Variants in MDN1 observed in about 807,000 individuals in gnomAD.
MDN1 encodes the protein midasin.
Under a neutral mutation model 669.2 loss-of-function variants are expected in MDN1, and 266 were observed. The ratio of observed to expected loss-of-function variants is 0.40; its 90% CI spans 0.36 to 0.44. MDN1 has a LOEUF of 0.44. Among genes scored for constraint, MDN1 ranks in the 20% least tolerant of loss-of-function variants. The pLI is 1.00. For missense variants in MDN1, 5,940 were observed against 6,754.0 expected (o/e 0.88, Z 4.22); for synonymous variants, 2,385 against 2,457.1 (o/e 0.97, Z 0.87).
chr6:89,658,365 T>C lies in MDN1; in HGVS notation c.15027A>G (p.Glu5009=). The change falls in exon 90 of 102, where the codon GAA becomes GAG. Residue 5009 remains glutamate (E), a synonymous_variant. Coordinates refer to ENST00000369393, the MANE Select transcript of MDN1 (RefSeq NM_014611.3). The part of the protein sequence containing the change: ...PADQGFQPQE[E]EEREDSDTEE... ...CTGTATCAGAGTCCTCCCGTTCTTC[T>C]TCCTCCTTCGGCAGAGAAATCAAAC... is the stretch of plus-strand genomic sequence containing the variant. 2 of 1,614,122 alleles carry C rather than the reference T, an allele frequency of 1.2e-6. No homozygotes were observed. Among genetic ancestry groups the C allele is most frequent in the Non-Finnish European group, 1.7e-6 (2 of 1,180,030 alleles).
At chr6:89,720,744 AACT>A (rs778763944) in intron 40 of MDN1, among the ~76,000 whole-genome samples, 64 of 152,332 alleles carry the variant, frequency 4.2e-4, no homozygotes, top group Admixed American at 1.5e-3. Context: ...AGCTGTTAAA[AACT>A]ACTAAGACTT....
At chr6:89,814,833 G>C in intron 1 of MDN1, 1 of 481,522 alleles carries the variant, frequency 2.1e-6, no homozygotes, top group Non-Finnish European at 4.2e-6. Context: ...TTCCAAAGAA[G>C]GCTGCCCCTA....
intron 25 of MDN1, 52 bp from the exon 26 acceptor site, chr6:89,749,421 A>G: frequency 6.2e-7 from 1 of 1,602,252 alleles, no homozygotes; most frequent in African/African-American, 1.3e-5. Context: ...AATTTCCAAT[A>G]TGGAGGCTCT....
intron 15 of MDN1, among the ~76,000 whole-genome samples, chr6:89,769,330 A>G (rs1395011439): frequency 6.6e-6 from 1 of 152,226 alleles, no homozygotes; most frequent in Admixed American, 6.5e-5. Flanking sequence ...ATATATGTTA[A>G]AAGATTTTAT....
intron 1 of MDN1, among the ~76,000 whole-genome samples, chr6:89,814,376 TC>T (rs1768664172): frequency 7.1e-6 from 1 of 140,506 alleles, no homozygotes; most frequent in Non-Finnish European, 1.5e-5. Context: ...TGTTCTTTAA[TC>T]CCCCTCCTTT....
rs544214263 is a variant in MDN1 at position 89,742,483 on chromosome 6, C to A, written c.4448+667G>T. The stretch of plus-strand genomic sequence containing the variant: ...TGAGTAATAAACTCCTGTCCTTCCA[C>A]TTGGCTAGCTCTGCAACTACTAAAT... On this transcript the variant is annotated intron_variant, in intron 31 of 101. Transcript: ENST00000369393. 3.9e-5 allele frequency among the ~76,000 whole-genome samples: 6 copies of A among 152,316 alleles called. No homozygotes were observed. The South Asian group carries it at 1.2e-3, about 32-fold the overall frequency.
chr6:89,674,627 G>T, intron 78 of MDN1, 38 bp from the exon 79 acceptor site: 2 of 1,502,356 alleles, frequency 1.3e-6, no homozygotes, highest in East Asian at 4.6e-5. Flanking sequence ...ACAATGAATG[G>T]CACCTTAAAC....
chr6:89,787,894 G>A lies in MDN1; in HGVS notation c.1294C>T (p.Leu432=). 6.2e-7 allele frequency: 1 copy of A among 1,613,734 alleles called. No individual in the cohort carries two copies. The highest frequency in any genetic ancestry group is 2.2e-5 in the East Asian group (1 of 44,878). The change falls in exon 8 of 102, where the codon CTG becomes TTG. Residue 432 remains leucine (L), a synonymous_variant. Transcript: ENST00000369393. ...AACTGAAATCCAGGTGCCACTTTCA[G>A]ACAGTCACCTCGGCCAGGAATCAAG... The part of the protein sequence containing the change: ...ELLIPGRGDC[L]KVAPGFQFFA...
At chr6:89,763,423 T>C (rs1461888324) in intron 15 of MDN1, among the ~76,000 whole-genome samples, 4 of 152,122 alleles carry the variant, frequency 2.6e-5, no homozygotes, top group African/African-American at 9.7e-5. Flanking sequence ...ATTTAGATTC[T>C]TTGTTATTCC....
At position 89,743,727 on chromosome 6, in the gene MDN1, T is replaced by C. The variant is rs1314395757; in HGVS notation, c.4179-13A>G. The C allele has an allele frequency of 6.2e-7, 1 of 1,611,586 alleles. No individual in the cohort carries two copies. Among genetic ancestry groups the C allele is most frequent in the East Asian group, 2.2e-5 (1 of 44,804 alleles). On this transcript the variant is annotated splice_polypyrimidine_tract_variant and intron_variant, in intron 29 of 101. Transcript: ENST00000369393. ...AGTTTTCCCACACCTGTTAGAGATG[T>C]GCAACTGATTAACAAGGCATGTGTT... is the stretch of plus-strand genomic sequence containing the variant.
chr6:89,745,252 G>T (rs754480765), intron 29 of MDN1, 21 bp downstream of exon 29: 2 of 1,613,056 alleles, frequency 1.2e-6, no homozygotes, highest in East Asian at 2.2e-5. Flanking sequence ...ACCCTCATGA[G>T]TCACTGTCAC....
rs1808310651 is a variant in MDN1, at chr6:89,643,901, AT to A, written c.*103del. The A allele has an allele frequency of 3.1e-5, 31 of 1,006,792 alleles. No individual in the cohort carries two copies. In the South Asian group the frequency reaches 6.6e-4, roughly 21 times the overall value. The allele number at this position is 1,006,792 out of a possible 1,614,324, so 62.4% of individuals were successfully genotyped here. On this transcript the variant is annotated 3_prime_UTR_variant, in exon 102 of 102. Coordinates refer to ENST00000369393, the MANE Select transcript of MDN1 (RefSeq NM_014611.3). ...TGTAAGATCACGTTGTAAAATAAAA[AT>A]ATTACAATAAAATTTTTTGTAGTTG...
rs1330622766 is a variant in MDN1, at chr6:89,685,820, T to C, written c.11719+7A>G. ...AATGTCAAAGGAAAGGAAAAAAAAA[T>C]CCTCACCCTTTCCTTCAACCTGTGG... On this transcript the variant is annotated splice_region_variant and intron_variant, in intron 70 of 101. Coordinates refer to ENST00000369393, the MANE Select transcript of MDN1 (RefSeq NM_014611.3). 3 of 1,609,534 alleles carry C rather than the reference T, an allele frequency of 1.9e-6. No homozygotes were observed. The highest frequency in any genetic ancestry group is 3.4e-5 in the Admixed American group (2 of 59,098).
At chr6:89,794,893 C>A in intron 2 of MDN1, 92 bp from the exon 3 acceptor site, 1 of 995,300 alleles carries the variant, frequency 1.0e-6, no homozygotes, top group Non-Finnish European at 1.5e-6. Context: ...GTATTAAATG[C>A]ATTTTCAACT....
Position 89,778,935 on chromosome 6 carries a change from A to AAATAAATAAAT in MDN1, c.1725+1276_1725+1277insATTTATTTATT, listed in dbSNP as rs1554196786. Among the ~76,000 whole-genome samples, 410 of 126,694 alleles carry AAATAAATAAAT rather than the reference A, an allele frequency of 3.2e-3. 1 individual carries two copies. The highest frequency in any genetic ancestry group is 4.2e-3 in the African/African-American group (136 of 32,582). The allele number at this position is 126,694 out of a possible 152,430, so 83.1% of individuals were successfully genotyped here. A position where few individuals can be genotyped will look rare whatever the true frequency, so the allele number is the denominator to read the frequency against. ...ATAAATAAATAAATAAATAAATAAAAAAAAAGGTATAGGGCCTGTGTCAGT... is the reference window on the plus strand; with the variant it reads ...ATAAATAAATAAATAAATAAATAAAAAATAAATAAATAAAAAGGTATAGGGCCTGTGTCAGT... On this transcript the variant is annotated intron_variant, in intron 11 of 101. Transcript: ENST00000369393.
At chr6:89,686,036 T>C in intron 69 of MDN1, 63 bp from the exon 70 acceptor site, 2 of 1,522,694 alleles carry the variant, frequency 1.3e-6, no homozygotes, top group African/African-American at 1.4e-5. Flanking sequence ...ATTCCTAACA[T>C]GCACGCAATC....
At chr6:89,784,960 C>G in intron 9 of MDN1, 52 bp downstream of exon 9, 1 of 1,194,436 alleles carries the variant, frequency 8.4e-7, no homozygotes, top group Non-Finnish European at 1.2e-6. Flanking sequence ...TCCTATTTCA[C>G]GCGGGAGCCA....
chr6:89,679,873 C>T (rs994890585), intron 74 of MDN1, among the ~76,000 whole-genome samples: 2 of 152,204 alleles, frequency 1.3e-5, no homozygotes, highest in East Asian at 1.9e-4. Context: ...CATCCCCTCT[C>T]CAGGAGATGC....
rs745564719 is a variant in MDN1, at chr6:89,701,600, T to C, written c.8385A>G (p.Ile2795Met). ...LGSQTGGFAGIKKLQKFLGRP... is the reference protein window; with the variant it reads ...LGSQTGGFAGMKKLQKFLGRP... ...GTCCCAGGAACTTCTGCAACTTCTT[T>C]ATACCAGCGAAGCCACCAGTCTGGC... Residue 2795 changes from isoleucine to methionine, a missense_variant, in exon 55 of 102, where the codon ATA becomes ATG. Ile to Met is a conservative substitution (Grantham distance 10). Around this residue, in one of 5 missense-constraint regions of MDN1, gnomAD observed 2,292 missense variants for 2,638.3 expected, o/e 0.87. Coordinates refer to ENST00000369393, the MANE Select transcript of MDN1 (RefSeq NM_014611.3). The C allele has an allele frequency of 1.9e-6, 3 of 1,614,190 alleles. No homozygotes were observed. In the South Asian group the frequency reaches 3.3e-5, roughly 18 times the overall value.
Sources: allele counts gnomAD v4.1 joint callset (sites outside exome capture counted in the v4.1 genomes callset), GRCh38; gene constraint gnomAD v4.1.1; regional missense constraint gnomAD v4.1.1; transcripts MANE v1.5; gene names NCBI Gene and HGNC (gene_info 2026-07-23, HGNC 2026-07-21).